The following DNAAF5 variants were observed in gnomAD, a reference collection of about 807,000 sequenced individuals.
The protein encoded by DNAAF5 is dynein axonemal assembly factor 5.
DNAAF5 carries 64 observed loss-of-function variants against 75.8 expected under a neutral mutation model. The observed-to-expected ratio is 0.84, with a 90% CI of 0.69 to 1.04. The LOEUF (loss-of-function observed/expected upper bound fraction) is 1.04. DNAAF5 is among the 50% of genes least tolerant of loss of function. The pLI, the probability that DNAAF5 is intolerant of heterozygous loss-of-function variation, is 0.00. For synonymous variants in DNAAF5, 657 were observed against 557.2 expected (o/e 1.18, Z -2.52); for missense variants, 1,269 against 1,178.5 (o/e 1.08, Z -1.12).
intron 6 of DNAAF5, among the ~76,000 whole-genome samples, chr7:757,738 G>A (rs992277125): frequency 1.4e-4 from 22 of 152,224 alleles, no homozygotes; most frequent in Non-Finnish European, 8.8e-5. Context: ...TGTGTGTGTT[G>A]GACTCAGCAC....
intron 12 of DNAAF5, among the ~76,000 whole-genome samples, chr7:783,811 T>C (rs920114999): frequency 6.6e-6 from 1 of 151,904 alleles, no homozygotes; most frequent in Non-Finnish European, 1.5e-5. Flanking sequence ...AGTTCTGAGC[T>C]TCTCCTACTC....
intron 2 of DNAAF5, among the ~76,000 whole-genome samples, chr7:734,020 G>C (rs1018822935): frequency 5.3e-5 from 8 of 152,074 alleles, no homozygotes; most frequent in Non-Finnish European, 1.0e-4. Flanking sequence ...GGAATCTTTA[G>C]GTTTTTCCAA....
chr7:745,295 C>T (rs73032422), intron 4 of DNAAF5, among the ~76,000 whole-genome samples: 25,860 of 152,234 alleles, frequency 0.17, 2,554 homozygotes, highest in Middle Eastern at 0.29. Context: ...GTCCCCAAGA[C>T]CCAGGAGGGT....
intron 12 of DNAAF5, among the ~76,000 whole-genome samples, chr7:782,225 G>T (rs923557784): frequency 1.3e-5 from 2 of 150,302 alleles, no homozygotes; most frequent in Non-Finnish European, 3.0e-5. Context: ...GCCGCCTCCC[G>T]TCGCGCGGCG....
At chr7:751,481 CAGAGTG>C (rs1782291565) in intron 4 of DNAAF5, among the ~76,000 whole-genome samples, 1 of 151,538 alleles carries the variant, frequency 6.6e-6, no homozygotes, top group Admixed American at 6.6e-5. Flanking sequence ...GCCTGGGTGA[CAGAGTG>C]AGACCCTTTC....
chr7:727,555 C>T (rs1042922404), intron 1 of DNAAF5: 2 of 272,140 alleles, frequency 7.3e-6, no homozygotes, highest in Non-Finnish European at 1.4e-5. Context: ...CCAACGCGCC[C>T]TTCAGCTGCT....
At position 754,939 on chromosome 7, in the gene DNAAF5, C is replaced by T. The variant is rs62432239; in HGVS notation, c.1257+118C>T. 0.8 allele frequency: 600,849 copies of T among 749,722 alleles called. 242,076 individuals carry two copies. Among genetic ancestry groups the T allele is most frequent in the South Asian group, 0.85 (43,710 of 51,220 alleles). The allele number at this position is 749,722 out of a possible 1,614,324, so 46.4% of individuals were successfully genotyped here. A position where few individuals can be genotyped will look rare whatever the true frequency, so the allele number is the denominator to read the frequency against. ...GCCAAGACAGCGTTCCCCTCACCCC[C>T]GGGCCGCAGGCCCTCCCCACACCCA... On this transcript the variant is annotated intron_variant, in intron 5 of 12. Coordinates refer to ENST00000297440, the MANE Select transcript of DNAAF5 (RefSeq NM_017802.4). This position sits in a 1 kb window ranked among gnomAD's most constrained non-coding sequence, Gnocchi z 4.8.
rs576160306 is a variant in DNAAF5 at position 755,551 on chromosome 7, G to A, written c.1257+730G>A. Among the ~76,000 whole-genome samples the A allele has an allele frequency of 5.9e-5, 9 of 152,302 alleles. No individual in the cohort carries two copies. In the Middle Eastern group the frequency reaches 0.01, roughly 173 times the overall value. On this transcript the variant is annotated intron_variant, in intron 5 of 12. Transcript: ENST00000297440. Reference sequence around the variant, plus strand: ...CCATTGCAAGGTAGCCTGGCCAGCAGCTTTTACTTCTAGTGGTCCAGGTCA... The same window carrying A: ...CCATTGCAAGGTAGCCTGGCCAGCAACTTTTACTTCTAGTGGTCCAGGTCA...
At chr7:745,872 C>T (rs1347585604) in intron 4 of DNAAF5, among the ~76,000 whole-genome samples, 3 of 152,232 alleles carry the variant, frequency 2.0e-5, no homozygotes, top group Non-Finnish European at 2.9e-5. Context: ...AGAATTGGTT[C>T]AAGGACTTGG....
chr7:736,460 G>T (rs1012834541), intron 2 of DNAAF5, among the ~76,000 whole-genome samples: 1 of 152,186 alleles, frequency 6.6e-6, no homozygotes, highest in Admixed American at 6.5e-5. Flanking sequence ...ATTATATGAT[G>T]ACCTTTGTCT....
At chr7:727,429 C>A in intron 1 of DNAAF5, 114 bp downstream of exon 1, 2 of 442,136 alleles carry the variant, frequency 4.5e-6, no homozygotes, top group Non-Finnish European at 6.7e-6. Context: ...TCCACGCCCG[C>A]ACCCCCCAAC....
At chr7:748,571 C>A (rs1195993676) in intron 4 of DNAAF5, among the ~76,000 whole-genome samples, 1 of 152,186 alleles carries the variant, frequency 6.6e-6, no homozygotes, top group Non-Finnish European at 1.5e-5. Flanking sequence ...CTCCAGCTCC[C>A]GCTCCTCTCC....
intron 4 of DNAAF5, among the ~76,000 whole-genome samples, chr7:746,349 C>T (rs1389564444): frequency 2.4e-5 from 3 of 126,022 alleles, no homozygotes; most frequent in East Asian, 5.5e-4. Flanking sequence ...GTGACGCCCT[C>T]CTTACCGTCC....
rs1781351712 is a variant in DNAAF5 at position 727,183 on chromosome 7, C to T, written c.463C>T (p.Leu155=). 1 of 1,339,312 alleles carries T rather than the reference C, an allele frequency of 7.5e-7. No individual in the cohort carries two copies. Among genetic ancestry groups the T allele is most frequent in the Non-Finnish European group, 9.6e-7 (1 of 1,040,766 alleles). 83.0% of individuals were successfully genotyped at this position (1,339,312 alleles called of 1,614,324 possible). The change falls in exon 1 of 13, where the codon CTG becomes TTG. Residue 155 remains leucine, a synonymous_variant. Coordinates refer to ENST00000297440, the MANE Select transcript of DNAAF5 (RefSeq NM_017802.4). The part of the protein sequence containing the change: ...LVQLLGLAVD[L]CGAALAPHLD... ...GCAGCTGCTGGGCCTGGCCGTGGACCTGTGCGGCGCCGCGCTCGCGCCCCA... is the reference window on the plus strand; with the variant it reads ...GCAGCTGCTGGGCCTGGCCGTGGACTTGTGCGGCGCCGCGCTCGCGCCCCA...
intron 2 of DNAAF5, among the ~76,000 whole-genome samples, chr7:736,452 T>G (rs749944643): frequency 3.3e-5 from 5 of 152,262 alleles, no homozygotes; most frequent in Non-Finnish European, 7.3e-5. Flanking sequence ...CCTTTATCAT[T>G]ATATGATGAC....
chr7:763,677 C>G (rs1366409866), intron 7 of DNAAF5, 129 bp from the exon 8 acceptor site: 1 of 1,078,346 alleles, frequency 9.3e-7, no homozygotes, highest in Non-Finnish European at 1.3e-6. Context: ...GGCAGCCTCC[C>G]TCCCGATTAT....
At chr7:756,236 C>T (rs1290604793) in intron 5 of DNAAF5, among the ~76,000 whole-genome samples, 2 of 133,274 alleles carry the variant, frequency 1.5e-5, no homozygotes, top group Middle Eastern at 0.011. Flanking sequence ...TGTGTGGTGT[C>T]CACTGTGGAA....
Position 785,537 on chromosome 7 carries a change from G to T in DNAAF5, c.2452G>T (p.Gly818Trp). ...TACAGAGGTCCTCAAAGAGGGCAGC[G>T]GGCTGTTCCCAGATCTCCTGGTGAG... ...AILEVLKEGS[G>W]LFPDLLVRET... The change falls in exon 13 of 13, where the codon GGG becomes TGG. Residue 818 changes from glycine (G) to tryptophan (W), a missense_variant. Physicochemically the swap from Gly to Trp is radical, Grantham distance 184. Transcript: ENST00000297440. 6.2e-7 allele frequency: 1 copy of T among 1,613,700 alleles called. No homozygotes were observed. Among genetic ancestry groups the T allele is most frequent in the African/African-American group, 1.3e-5 (1 of 75,050 alleles).
chr7:763,741 A>AGCAG lies in DNAAF5; in HGVS notation c.1615-54_1615-51dup, dbSNP rs1265282448. The AGCAG allele has an allele frequency of 6.8e-5, 105 of 1,553,144 alleles. 1 individual carries two copies. The highest frequency in any genetic ancestry group is 4.8e-4 in the South Asian group (41 of 85,996). ...ACGCGTGAGGGGGATAGTGAGTCCC[A>AGCAG]GCAGGCAGGCAGGCTTGAGCCCTGA... On this transcript the variant is annotated intron_variant, in intron 7 of 12. Transcript: ENST00000297440.
Sources: allele counts gnomAD v4.1 joint callset (sites outside exome capture counted in the v4.1 genomes callset), GRCh38; gene constraint gnomAD v4.1.1; non-coding constraint Gnocchi (gnomAD v3.1); transcripts MANE v1.5; gene names NCBI Gene and HGNC (gene_info 2026-07-23, HGNC 2026-07-21).